Variants in KRTAP12-4 observed in about 807,000 individuals in gnomAD.
The protein encoded by KRTAP12-4 is keratin associated protein 12-4, also known as keratin-associated protein 12-4.
For missense variants in KRTAP12-4, 148 were observed against 141.2 expected, an observed-to-expected ratio of 1.05 and a Z score of -0.24; for synonymous variants, 58 against 58.7, an observed-to-expected ratio of 0.99 and a Z score of 0.05.
At position 44,654,322 on chromosome 21, in the gene KRTAP12-4, G is replaced by A; in HGVS notation, c.293C>T (p.Thr98Ile). The change falls in exon 1 of 1, where the codon ACC (threonine) becomes ATC (isoleucine). Residue 98 changes from threonine (T) to isoleucine (I), a missense_variant. By Grantham distance (89) the Thr-to-Ile change is moderately conservative. Coordinates refer to ENST00000391618, the MANE Select transcript of KRTAP12-4 (RefSeq NM_198698.1). ...TSGCCQPFCP[T>I]LVYRPVTWST... is the part of the protein sequence containing the mutation. ...CCAGGTGACAGGTCTATAGACCAGG[G>A]TGGGGCAGAAGGGCTGGCAGCACCC... The A allele has an allele frequency of 6.2e-7, 1 of 1,614,108 alleles. No individual in the cohort carries two copies. Among genetic ancestry groups the A allele is most frequent in the South Asian group, 1.1e-5 (1 of 91,090 alleles).
chr21:44,654,450 G>T, the KRTAP12-4 span: 1 of 1,614,074 alleles, frequency 6.2e-7, no homozygotes, highest in South Asian at 1.1e-5. Flanking sequence ...CTGGCTGGCA[G>T]CAGGTGGATA....
chr21:44,654,542 AGGT>A lies in KRTAP12-4; in HGVS notation c.70_72del (p.Thr24del), dbSNP rs782682204. ...GTCCCATAGCCCTCGGGTGGGTAGC[AGGT>A]GCTGGGGACACAGCACGGGGAGCCA... On this transcript the variant is annotated inframe_deletion, in exon 1 of 1. Coordinates refer to ENST00000391618, the MANE Select transcript of KRTAP12-4 (RefSeq NM_198698.1). 6 of 1,611,946 alleles carry A rather than the reference AGGT, an allele frequency of 3.7e-6. No homozygotes were observed. Among genetic ancestry groups the A allele is most frequent in the Non-Finnish European group, 5.1e-6 (6 of 1,178,934 alleles).
chr21:44,654,591 C>A lies in KRTAP12-4; in HGVS notation c.24G>T (p.Ser8=). 3 of 1,586,942 alleles carry A rather than the reference C, an allele frequency of 1.9e-6. No individual in the cohort carries two copies. Among genetic ancestry groups the A allele is most frequent in the East Asian group, 2.3e-5 (1 of 44,328 alleles). Residue 8 remains serine (S), a synonymous_variant, in exon 1 of 1, where the codon TCG becomes TCT. Coordinates refer to ENST00000391618, the MANE Select transcript of KRTAP12-4 (RefSeq NM_198698.1). The part of the protein sequence containing the change: MCHTSHS[S]GCPMACPGSP... ...AGCCAGGGCAGGCCATTGGGCAGCC[C>A]GAAGAGTGGCTGGTGTGGCACATGA...
Position 44,654,574 on chromosome 21 carries a change from C to G in KRTAP12-4, c.41G>C (p.Cys14Ser). The G allele has an allele frequency of 6.2e-7, 1 of 1,603,592 alleles. No homozygotes were observed. Residue 14 changes from cysteine to serine, a missense_variant, in exon 1 of 1, where the codon TGC becomes TCC. Transcript: ENST00000391618. Reference protein sequence around the residue: ...TSHSSGCPMACPGSPCCVPST... With the variant: ...TSHSSGCPMASPGSPCCVPST... ...GGGGACACAGCACGGGGAGCCAGGG[C>G]AGGCCATTGGGCAGCCCGAAGAGTG...
chr21:44,654,600 G>A lies in KRTAP12-4; in HGVS notation c.15C>T (p.Ser5=). The A allele has an allele frequency of 6.4e-7, 1 of 1,573,048 alleles. No individual in the cohort carries two copies. The highest frequency in any genetic ancestry group is 8.6e-7 in the Non-Finnish European group (1 of 1,158,010). ...AGGCCATTGGGCAGCCCGAAGAGTG[G>A]CTGGTGTGGCACATGATGGAGTGTG... MCHT[S]HSSGCPMACP... is the part of the protein sequence containing the mutation. Residue 5 remains serine (S), a synonymous_variant, in exon 1 of 1, where the codon AGC becomes AGT. Transcript: ENST00000391618.
Position 44,654,638 on chromosome 21 carries a change from G to C in KRTAP12-4, c.-24C>G. On this transcript the variant is annotated 5_prime_UTR_variant, in exon 1 of 1. Coordinates refer to ENST00000391618, the MANE Select transcript of KRTAP12-4 (RefSeq NM_198698.1). Reference sequence around the variant, plus strand: ...ATGATGGAGTGTGGACAGGTGGGGGGCGCAGAGGACAGGGCTGGTCTGGAG... The same window carrying C: ...ATGATGGAGTGTGGACAGGTGGGGGCCGCAGAGGACAGGGCTGGTCTGGAG... The C allele has an allele frequency of 6.7e-7, 1 of 1,483,398 alleles. No homozygotes were observed. Among genetic ancestry groups the C allele is most frequent in the South Asian group, 1.3e-5 (1 of 76,296 alleles). The allele number at this position is 1,483,398 out of a possible 1,614,324, so 91.9% of individuals were successfully genotyped here. A position where few individuals can be genotyped will look rare whatever the true frequency, so the allele number is the denominator to read the frequency against.
chr21:44,654,304 A>G lies in KRTAP12-4; in HGVS notation c.311T>C (p.Val104Ala). 1 of 1,613,936 alleles carries G rather than the reference A, an allele frequency of 6.2e-7. No individual in the cohort carries two copies. Among genetic ancestry groups the G allele is most frequent in the Non-Finnish European group, 8.5e-7 (1 of 1,179,894 alleles). Residue 104 changes from valine (V) to alanine (A), a missense_variant, in exon 1 of 1, where the codon GTC (valine) becomes GCC (alanine). Physicochemically the swap from Val to Ala is moderately conservative, Grantham distance 64 (BLOSUM62 0). Transcript: ENST00000391618. ...PFCPTLVYRP[V>A]TWSTPTGC ...GCAGCCAGTGGGGGTGCTCCAGGTG[A>G]CAGGTCTATAGACCAGGGTGGGGCA...
chr21:44,654,429 C>A lies in KRTAP12-4; in HGVS notation c.186G>T (p.Val62=). The change falls in exon 1 of 1, where the codon GTG becomes GTT. Residue 62 remains valine (V), a synonymous_variant. Coordinates refer to ENST00000391618, the MANE Select transcript of KRTAP12-4 (RefSeq NM_198698.1). Reference sequence around the variant, plus strand: ...AGCAGGCCACCTGGCAGGGGCTGGGCACACAGCAGGCTGGCTGGCAGCAGG... The same window carrying A: ...AGCAGGCCACCTGGCAGGGGCTGGGAACACAGCAGGCTGGCTGGCAGCAGG... ...VSTCCQPACC[V]PSPCQVACCV... is the part of the protein sequence containing the mutation. 6.2e-7 allele frequency: 1 copy of A among 1,614,124 alleles called. No individual in the cohort carries two copies.
Position 44,654,498 on chromosome 21 carries a change from G to A in KRTAP12-4, c.117C>T (p.Ala39=). Residue 39 remains alanine, a synonymous_variant, in exon 1 of 1, where the codon GCC becomes GCT. Coordinates refer to ENST00000391618, the MANE Select transcript of KRTAP12-4 (RefSeq NM_198698.1). ...GCCGGCACAGCAGAGCCACACAGGGGGCTGAGCAGCAGCAGGAGGTCCCAT... is the reference window on the plus strand; with the variant it reads ...GCCGGCACAGCAGAGCCACACAGGGAGCTGAGCAGCAGCAGGAGGTCCCAT... ...EGYGTSCCCS[A]PCVALLCRPL... is the part of the protein sequence containing the mutation. 2 of 1,613,762 alleles carry A rather than the reference G, an allele frequency of 1.2e-6. No individual in the cohort carries two copies. The highest frequency in any genetic ancestry group is 1.7e-6 in the Non-Finnish European group (2 of 1,179,804).
chr21:44,654,253 G>A lies in KRTAP12-4; in HGVS notation c.*23C>T, dbSNP rs782403026. 8 of 1,595,614 alleles carry A rather than the reference G, an allele frequency of 5.0e-6. No individual in the cohort carries two copies. Among genetic ancestry groups the A allele is most frequent in the Non-Finnish European group, 6.9e-6 (8 of 1,164,528 alleles). On this transcript the variant is annotated 3_prime_UTR_variant, in exon 1 of 1. Transcript: ENST00000391618. ...TGCTGGCTTCTGACCTCGCACCTAC[G>A]AGGGTCATAGGAGGCCACCTGCTCA...
At position 44,654,431 on chromosome 21, in the gene KRTAP12-4, C is replaced by T; in HGVS notation, c.184G>A (p.Val62Met). ...VSTCCQPACC[V>M]PSPCQVACCV... ...CAGGCCACCTGGCAGGGGCTGGGCACACAGCAGGCTGGCTGGCAGCAGGTG... is the reference window on the plus strand; with the variant it reads ...CAGGCCACCTGGCAGGGGCTGGGCATACAGCAGGCTGGCTGGCAGCAGGTG... The change falls in exon 1 of 1, where the codon GTG (valine) becomes ATG (methionine). Residue 62 changes from valine to methionine, a missense_variant. By Grantham distance (21) the Val-to-Met change is conservative. Coordinates refer to ENST00000391618, the MANE Select transcript of KRTAP12-4 (RefSeq NM_198698.1). The T allele has an allele frequency of 1.2e-6, 2 of 1,614,138 alleles. No individual in the cohort carries two copies. The highest frequency in any genetic ancestry group is 1.7e-6 in the Non-Finnish European group (2 of 1,179,982).
At chr21:44,654,376 A>T in the KRTAP12-4 span, 1 of 1,614,172 alleles carries the variant, frequency 6.2e-7, no homozygotes, top group Non-Finnish European at 8.5e-7. Flanking sequence ...AGCCACACAC[A>T]AAACAGGCTT....
At position 44,654,290 on chromosome 21, in the gene KRTAP12-4, G is replaced by A. The variant is rs201352172; in HGVS notation, c.325C>T (p.Pro109Ser). ...LVYRPVTWSTPTGC is the reference protein window; with the variant it reads ...LVYRPVTWSTSTGC ...AGGCCACCTGCTCAGCAGCCAGTGG[G>A]GGTGCTCCAGGTGACAGGTCTATAG... Residue 109 changes from proline to serine, a missense_variant, in exon 1 of 1, where the codon CCC becomes TCC. Coordinates refer to ENST00000391618, the MANE Select transcript of KRTAP12-4 (RefSeq NM_198698.1). 2.5e-5 allele frequency: 41 copies of A among 1,613,722 alleles called. 1 individual carries two copies. The African/African-American group carries it at 2.7e-4, about 10-fold the overall frequency.
rs369651413 is a variant in KRTAP12-4 at position 44,654,402 on chromosome 21, A to G, written c.213T>C (p.Cys71=). The part of the protein sequence containing the change: ...CVPSPCQVAC[C]VPVSCKPVLC... ...AAACAGGCTTGCAGCTCACAGGCAC[A>G]CAGCAGGCCACCTGGCAGGGGCTGG... Residue 71 remains cysteine, a synonymous_variant, in exon 1 of 1, where the codon TGT becomes TGC. Transcript: ENST00000391618. 1.9e-5 allele frequency: 30 copies of G among 1,614,064 alleles called. No homozygotes were observed. The highest frequency in any genetic ancestry group is 2.4e-5 in the Non-Finnish European group (28 of 1,180,004).
chr21:44,654,283 C>G lies in KRTAP12-4; in HGVS notation c.332G>C (p.Gly111Ala), dbSNP rs781901868. ...YRPVTWSTPT[G>A]C is the part of the protein sequence containing the mutation. Reference sequence around the variant, plus strand: ...TCATAGGAGGCCACCTGCTCAGCAGCCAGTGGGGGTGCTCCAGGTGACAGG... The same window carrying G: ...TCATAGGAGGCCACCTGCTCAGCAGGCAGTGGGGGTGCTCCAGGTGACAGG... Residue 111 changes from glycine to alanine, a missense_variant, in exon 1 of 1, where the codon GGC becomes GCC. Transcript: ENST00000391618. 15 of 1,613,372 alleles carry G rather than the reference C, an allele frequency of 9.3e-6. No homozygotes were observed. The highest frequency in any genetic ancestry group is 1.7e-5 in the Admixed American group (1 of 59,996).
At position 44,654,252 on chromosome 21, in the gene KRTAP12-4, C is replaced by T. The variant is rs372241192; in HGVS notation, c.*24G>A. On this transcript the variant is annotated 3_prime_UTR_variant, in exon 1 of 1. Transcript: ENST00000391618. Reference sequence around the variant, plus strand: ...CTGCTGGCTTCTGACCTCGCACCTACGAGGGTCATAGGAGGCCACCTGCTC... The same window carrying T: ...CTGCTGGCTTCTGACCTCGCACCTATGAGGGTCATAGGAGGCCACCTGCTC... 3.8e-5 allele frequency: 60 copies of T among 1,585,084 alleles called. No individual in the cohort carries two copies. The African/African-American group carries it at 5.7e-4, about 15-fold the overall frequency.
Position 44,654,451 on chromosome 21 carries a change from C to G in KRTAP12-4, c.164G>C (p.Cys55Ser), listed in dbSNP as rs1555942132. The change falls in exon 1 of 1, where the codon TGC (cysteine) becomes TCC (serine). Residue 55 changes from cysteine to serine, a missense_variant. Coordinates refer to ENST00000391618, the MANE Select transcript of KRTAP12-4 (RefSeq NM_198698.1). Reference sequence around the variant, plus strand: ...GGGCACACAGCAGGCTGGCTGGCAGCAGGTGGATACCCCACACAGGGGCCG... The same window carrying G: ...GGGCACACAGCAGGCTGGCTGGCAGGAGGTGGATACCCCACACAGGGGCCG... ...LCRPLCGVST[C>S]CQPACCVPSP... 6.2e-7 allele frequency: 1 copy of G among 1,614,062 alleles called. No individual in the cohort carries two copies. The highest frequency in any genetic ancestry group is 1.1e-5 in the South Asian group (1 of 91,080).
At chr21:44,654,446 G>A in the KRTAP12-4 span, 11 of 1,614,076 alleles carry the variant, frequency 6.8e-6, no homozygotes, top group East Asian at 6.7e-5. Flanking sequence ...CAGGCTGGCT[G>A]GCAGCAGGTG....
Position 44,654,562 on chromosome 21 carries a change from G to A in KRTAP12-4, c.53C>T (p.Pro18Leu), listed in dbSNP as rs587731144. 530 of 1,607,386 alleles carry A rather than the reference G, an allele frequency of 3.3e-4. 6 individuals carry two copies. In the South Asian group the frequency reaches 4.6e-3, roughly 14 times the overall value. Reference sequence around the variant, plus strand: ...GTAGCAGGTGCTGGGGACACAGCACGGGGAGCCAGGGCAGGCCATTGGGCA... The same window carrying A: ...GTAGCAGGTGCTGGGGACACAGCACAGGGAGCCAGGGCAGGCCATTGGGCA... ...SGCPMACPGS[P>L]CCVPSTCYPP... The change falls in exon 1 of 1, where the codon CCG (proline) becomes CTG (leucine). Residue 18 changes from proline (P) to leucine (L), a missense_variant. Coordinates refer to ENST00000391618, the MANE Select transcript of KRTAP12-4 (RefSeq NM_198698.1).
Sources: gnomAD v4.1 joint callset for allele counts on GRCh38, gnomAD v4.1.1 for gene constraint, MANE v1.5 for transcripts, NCBI Gene and HGNC (gene_info 2026-07-23, HGNC 2026-07-21) for gene names.